Variants in LGSN observed in about 807,000 individuals in gnomAD.
The protein encoded by LGSN is lengsin.
In LGSN, 21 loss-of-function variants were observed where a neutral mutation model predicts 19.5. The ratio of observed to expected loss-of-function variants is 1.07; its 90% CI spans 0.76 to 1.55. LGSN has a LOEUF of 1.55. LGSN is among the 40% of genes most tolerant of loss of function. The probability of loss-of-function intolerance (pLI) is 0.00; values close to 1 mark genes in which losing one functional copy is unlikely to be tolerated. For synonymous variants in LGSN, 257 were observed against 215.6 expected, an observed-to-expected ratio of 1.19 and a Z score of -1.68; for missense variants, 673 against 608.5, an observed-to-expected ratio of 1.11 and a Z score of -1.12.
chr6:63,554,037 T>A, the LGSN span, among the ~76,000 whole-genome samples: 1 of 152,198 alleles, frequency 6.6e-6, no homozygotes, highest in African/African-American at 2.4e-5. Context: ...ACATTGACTA[T>A]ATCTGAGGAG....
chr6:63,353,827 C>T, the LGSN span, among the ~76,000 whole-genome samples: 1 of 151,926 alleles, frequency 6.6e-6, no homozygotes, highest in South Asian at 2.1e-4. Flanking sequence ...AATAGAGAAC[C>T]TGGAAATAAG....
upstream of LGSN, among the ~76,000 whole-genome samples, chr6:63,322,012 A>G (rs1769096822): frequency 6.6e-6 from 1 of 152,230 alleles, no homozygotes; most frequent in South Asian, 2.1e-4. Flanking sequence ...AACTAAAATG[A>G]TTAAAGGAAT....
At chr6:63,477,269 CAGTT>C in the LGSN span, among the ~76,000 whole-genome samples, 11 of 152,296 alleles carry the variant, frequency 7.2e-5, no homozygotes, top group South Asian at 2.3e-3. Flanking sequence ...TGTTCTAGAA[CAGTT>C]AGTTTTATGT....
At chr6:63,458,797 C>T in the LGSN span, among the ~76,000 whole-genome samples, 1 of 152,150 alleles carries the variant, frequency 6.6e-6, no homozygotes, top group Non-Finnish European at 1.5e-5. Context: ...ACACTGAAAT[C>T]AGTAAAACAC....
At chr6:63,416,168 C>T in the LGSN span, among the ~76,000 whole-genome samples, 4 of 148,372 alleles carry the variant, frequency 2.7e-5, no homozygotes, top group South Asian at 4.2e-4. Context: ...GGCTCCATGG[C>T]TCATCTCTGA....
At chr6:63,305,616 A>G (rs1768352576) in intron 1 of LGSN, among the ~76,000 whole-genome samples, 1 of 152,216 alleles carries the variant, frequency 6.6e-6, no homozygotes, top group South Asian at 2.1e-4. Context: ...TCTTCTGTAC[A>G]TCACTTTTCT....
the LGSN span, among the ~76,000 whole-genome samples, chr6:63,347,510 C>T: frequency 2.6e-5 from 4 of 152,168 alleles, no homozygotes; most frequent in Non-Finnish European, 2.9e-5. Flanking sequence ...GACTTTCCTG[C>T]TTCAGTGTCT....
the LGSN span, among the ~76,000 whole-genome samples, chr6:63,421,711 A>G: frequency 6.6e-6 from 1 of 152,160 alleles, no homozygotes; most frequent in Non-Finnish European, 1.5e-5. Flanking sequence ...CTGGCGACAG[A>G]GTGAGACTCC....
chr6:63,441,475 C>A, the LGSN span: 1 of 436,988 alleles, frequency 2.3e-6, no homozygotes, highest in South Asian at 2.0e-5. Flanking sequence ...GGGTGAGAAG[C>A]CATGGAAACA....
chr6:63,405,828 G>A, the LGSN span, among the ~76,000 whole-genome samples: 1 of 152,128 alleles, frequency 6.6e-6, no homozygotes, highest in African/African-American at 2.4e-5. Context: ...AAGGAGGGAG[G>A]AAGATCTACC....
chr6:63,470,707 G>A, the LGSN span, among the ~76,000 whole-genome samples: 3 of 151,776 alleles, frequency 2.0e-5, no homozygotes, highest in Admixed American at 1.3e-4. Flanking sequence ...TTGGGGAGCC[G>A]CCAGAGATGG....
chr6:63,408,955 G>T, the LGSN span, among the ~76,000 whole-genome samples: 134 of 152,244 alleles, frequency 8.8e-4, 1 homozygote, highest in Non-Finnish European at 1.8e-4. Context: ...CTATTGCCCA[G>T]GCTGGAGTGC....
At chr6:63,455,827 C>A in the LGSN span, among the ~76,000 whole-genome samples, 1 of 152,270 alleles carries the variant, frequency 6.6e-6, no homozygotes, top group South Asian at 2.1e-4. Flanking sequence ...ATCATCCCAG[C>A]ACTTTGGGAG....
chr6:63,314,579 C>T (rs1392611872), intron 1 of LGSN, among the ~76,000 whole-genome samples: 1 of 152,106 alleles, frequency 6.6e-6, no homozygotes, highest in East Asian at 1.9e-4. Context: ...ATAACTGAGC[C>T]TCAGGAAGAT....
the LGSN span, among the ~76,000 whole-genome samples, chr6:63,400,041 T>C: frequency 6.6e-6 from 1 of 152,202 alleles, no homozygotes; most frequent in Non-Finnish European, 1.5e-5. Context: ...TTCCACATGA[T>C]TTTGATATAG....
At chr6:63,361,296 G>T in the LGSN span, among the ~76,000 whole-genome samples, 5 of 152,260 alleles carry the variant, frequency 3.3e-5, no homozygotes, top group East Asian at 9.6e-4. Context: ...AGCTGCAGTG[G>T]GCTCCACCCA....
intron 1 of LGSN, among the ~76,000 whole-genome samples, chr6:63,315,815 A>G (rs1467962363): frequency 6.6e-6 from 1 of 151,608 alleles, no homozygotes; most frequent in Non-Finnish European, 1.5e-5. Context: ...TCATCTCTTC[A>G]TGCTACTTAC....
the LGSN span, among the ~76,000 whole-genome samples, chr6:63,460,209 C>G: frequency 6.9e-6 from 1 of 144,716 alleles, no homozygotes; most frequent in African/African-American, 2.5e-5. Context: ...TCACCTGCCT[C>G]AGCCTCCCAA....
chr6:63,499,441 T>C, the LGSN span, among the ~76,000 whole-genome samples: 21 of 152,250 alleles, frequency 1.4e-4, no homozygotes, highest in Non-Finnish European at 2.6e-4. Context: ...GATTGTTATA[T>C]ATTAGATTCC....
Sources: gnomAD v4.1 joint callset for allele counts (sites outside exome capture counted in the v4.1 genomes callset) on GRCh38, gnomAD v4.1.1 for gene constraint, MANE v1.5 for transcripts, NCBI Gene and HGNC (gene_info 2026-07-23, HGNC 2026-07-21) for gene names.